The following TP63 variants were observed in gnomAD, a reference collection of about 807,000 sequenced individuals.
The protein encoded by TP63 is tumor protein 63.
Under a neutral mutation model 82.8 loss-of-function variants are expected in TP63, and 17 were observed. That is an observed-to-expected ratio of 0.21 (90% confidence interval 0.14 to 0.31). The LOEUF (loss-of-function observed/expected upper bound fraction) is 0.31, where lower values mean the gene tolerates loss of function less well. Among genes scored for constraint, TP63 ranks in the 10% least tolerant of loss-of-function variants. The pLI is 1.00. For synonymous variants in TP63, 330 were observed against 321.7 expected (o/e 1.03, Z -0.28); for missense variants, 648 against 895.3 (o/e 0.72, Z 3.52).
At chr3:189,631,330 A>G, upstream of TP63, 3 of 1,420,618 alleles carry the variant, frequency 2.1e-6, no homozygotes, top group Non-Finnish European at 2.8e-6. Flanking sequence ...CATTGGCTAA[A>G]ATCAAGAAAC....
In TP63 at chr3:189,866,349, C is replaced by T. The variant is rs79616899; in HGVS notation, c.767-333C>T. Among the ~76,000 whole-genome samples, 2,187 of 152,102 alleles carry T rather than the reference C, an allele frequency of 0.014. 23 individuals are homozygous for T. Among genetic ancestry groups the T allele is most frequent in the South Asian group, 0.028 (135 of 4,818 alleles). ...AATTTGCTTATTTCCCTTTCATTTT[C>T]CAGGAAGCTGGCAAAATTTCCTCCA... On this transcript the variant is annotated intron_variant, in intron 5 of 13. Coordinates refer to ENST00000264731, the MANE Select transcript of TP63 (RefSeq NM_003722.5).
chr3:189,717,458 T>C (rs533809629), intron 1 of TP63, among the ~76,000 whole-genome samples: 2 of 152,308 alleles, frequency 1.3e-5, no homozygotes, highest in South Asian at 4.1e-4. Flanking sequence ...TTTGGGAAGC[T>C]GACTGCTTCC....
chr3:189,677,697 A>G (rs1715564361), intron 1 of TP63, among the ~76,000 whole-genome samples: 1 of 151,962 alleles, frequency 6.6e-6, no homozygotes, highest in African/African-American at 2.4e-5. Context: ...AGGTTGCACT[A>G]ATTTATATTC....
intron 4 of TP63, among the ~76,000 whole-genome samples, chr3:189,825,277 T>A (rs1560223620): frequency 6.6e-6 from 1 of 152,238 alleles, no homozygotes; most frequent in Non-Finnish European, 1.5e-5. Context: ...GGCATATACA[T>A]TCACAGCGTG....
chr3:189,793,010 G>A (rs1344444910), intron 3 of TP63, among the ~76,000 whole-genome samples: 1 of 152,046 alleles, frequency 6.6e-6, no homozygotes, highest in East Asian at 1.9e-4. Context: ...TTGTACTTCT[G>A]AGCTAGTTAG....
rs551557774 is a variant in TP63, at chr3:189,631,589, T to G, written c.62+12T>G. ...CCTTACATCCAGCGGTGAGTTTGAA[T>G]GTGACATAACTTCTCTCAAAACTTA... On this transcript the variant is annotated intron_variant, in intron 1 of 13. Coordinates refer to ENST00000264731, the MANE Select transcript of TP63 (RefSeq NM_003722.5). The G allele has an allele frequency of 1.9e-6, 3 of 1,612,760 alleles. No homozygotes were observed. The Admixed American group carries it at 5.0e-5, about 27-fold the overall frequency.
chr3:189,684,219 C>G (rs1278947525), intron 1 of TP63, among the ~76,000 whole-genome samples: 1 of 152,182 alleles, frequency 6.6e-6, no homozygotes, highest in African/African-American at 2.4e-5. Context: ...ATGTAAGACA[C>G]TTTTCTAGGT....
At chr3:189,719,398 A>G (rs1196790753) in intron 1 of TP63, among the ~76,000 whole-genome samples, 1 of 152,040 alleles carries the variant, frequency 6.6e-6, no homozygotes, top group Admixed American at 6.6e-5. Context: ...TCACTCTTTC[A>G]TATCTATTCT....
chr3:189,709,774 C>CA (rs1560126177), intron 1 of TP63, among the ~76,000 whole-genome samples: 1 of 152,116 alleles, frequency 6.6e-6, no homozygotes. Flanking sequence ...AGGAGGCATA[C>CA]ATGGGAGGCA....
intron 1 of TP63, among the ~76,000 whole-genome samples, chr3:189,733,437 A>T (rs970915037): frequency 5.3e-5 from 8 of 152,122 alleles, no homozygotes; most frequent in African/African-American, 1.7e-4. Context: ...TCACACACTA[A>T]TATCATTATT....
At chr3:189,842,036 G>T (rs1714196495) in intron 4 of TP63, among the ~76,000 whole-genome samples, 1 of 152,198 alleles carries the variant, frequency 6.6e-6, no homozygotes, top group South Asian at 2.1e-4. Context: ...GCCCAGAGGG[G>T]AAAGAAATGA....
intron 8 of TP63, 97 bp from the exon 9 acceptor site, chr3:189,869,227 T>C (rs1227509382): frequency 2.1e-6 from 2 of 956,736 alleles, no homozygotes; most frequent in Non-Finnish European, 3.2e-6. Context: ...GTATATTAAA[T>C]CTGATTAACA....
chr3:189,761,707 C>T (rs1349501765), intron 3 of TP63, among the ~76,000 whole-genome samples: 1 of 152,138 alleles, frequency 6.6e-6, no homozygotes, highest in Non-Finnish European at 1.5e-5. Flanking sequence ...ACTTCTGGTA[C>T]TAATTTACTG....
chr3:189,612,802 A>C, the TP63 span, among the ~76,000 whole-genome samples: 14 of 152,216 alleles, frequency 9.2e-5, no homozygotes, highest in African/African-American at 3.1e-4. Context: ...CTTGTTGGGA[A>C]CTGGAGTAAA....
the TP63 span, among the ~76,000 whole-genome samples, chr3:189,622,479 T>G: frequency 6.6e-6 from 1 of 152,364 alleles, no homozygotes; most frequent in South Asian, 2.1e-4. Flanking sequence ...GCAGTTAACC[T>G]AACTTGGCTA....
At chr3:189,690,393 C>G (rs185631360) in intron 1 of TP63, among the ~76,000 whole-genome samples, 29 of 152,292 alleles carry the variant, frequency 1.9e-4, no homozygotes, top group African/African-American at 6.5e-4. Context: ...CTACTCCCCC[C>G]AACTCAGGAC....
intron 1 of TP63, among the ~76,000 whole-genome samples, chr3:189,736,252 A>T (rs1216313659): frequency 1.3e-5 from 2 of 151,508 alleles, no homozygotes; most frequent in East Asian, 3.9e-4. Context: ...AGGCTTTTTA[A>T]AAACATAGCA....
At chr3:189,720,249 G>T (rs79951788) in intron 1 of TP63, among the ~76,000 whole-genome samples, 1 of 152,150 alleles carries the variant, frequency 6.6e-6, no homozygotes, top group Non-Finnish European at 1.5e-5. Context: ...ACCAGGCCAA[G>T]GAGGAAGAAT....
intron 4 of TP63, among the ~76,000 whole-genome samples, chr3:189,809,650 A>G (rs1727313718): frequency 6.6e-6 from 1 of 152,244 alleles, no homozygotes; most frequent in African/African-American, 2.4e-5. Flanking sequence ...TCTTTGACAA[A>G]TGGATTTCTT....
Sources: allele counts gnomAD v4.1 joint callset (sites outside exome capture counted in the v4.1 genomes callset), GRCh38; gene constraint gnomAD v4.1.1; transcripts MANE v1.5; gene names NCBI Gene and HGNC (gene_info 2026-07-23, HGNC 2026-07-21).